Variants in ALS2 observed in about 807,000 individuals in gnomAD.
ALS2 encodes alsin Rho guanine nucleotide exchange factor ALS2, also known as alsin.
Under a neutral mutation model 203.4 loss-of-function variants are expected in ALS2, and 117 were observed. That is an observed-to-expected ratio of 0.58 (90% CI 0.50 to 0.67). ALS2 has a LOEUF of 0.67. Ranked by LOEUF, ALS2 falls within the 30% of genes least tolerant of loss-of-function variation. The pLI is 0.00. For synonymous variants in ALS2, 718 were observed against 725.9 expected (o/e 0.99, Z 0.17); for missense variants, 1,715 against 1,989.4 (o/e 0.86, Z 2.62).
intron 9 of ALS2, among the ~76,000 whole-genome samples, chr2:201,746,356 A>G (rs190890978): frequency 4.4e-4 from 67 of 152,326 alleles, no homozygotes; most frequent in African/African-American, 1.5e-3. Flanking sequence ...ACAATAGACA[A>G]AGTGAGTAAA....
chr2:201,703,983 G>A (rs757810420), intron 33 of ALS2, 139 bp downstream of exon 33: 23 of 720,346 alleles, frequency 3.2e-5, no homozygotes, highest in Non-Finnish European at 5.2e-5. Context: ...GTTTTAAAGT[G>A]TAGAACAAAA....
rs752738166 is a variant in ALS2, at chr2:201,705,478, A to G, written c.4581-17T>C. 1 of 1,598,004 alleles carries G rather than the reference A, an allele frequency of 6.3e-7. No homozygotes were observed. Among genetic ancestry groups the G allele is most frequent in the Admixed American group, 1.7e-5 (1 of 59,982 alleles). On this transcript the variant is annotated splice_polypyrimidine_tract_variant and intron_variant, in intron 29 of 33. Transcript: ENST00000264276. ...CAAAATTTCCTATAATGGAATCCAT[A>G]AATTATTAATATAAGTTGTTACTTA... is the stretch of plus-strand genomic sequence containing the variant.
rs1432048539 is a variant in ALS2 at position 201,709,924 on chromosome 2, T to C, written c.4237A>G (p.Lys1413Glu). The C allele has an allele frequency of 8.1e-6, 13 of 1,614,162 alleles. No homozygotes were observed. The highest frequency in any genetic ancestry group is 1.1e-5 in the South Asian group (1 of 91,084). Residue 1413 changes from lysine to glutamate, a missense_variant, in exon 27 of 34, where the codon AAG (lysine) becomes GAG (glutamate). Physicochemically the swap from Lys to Glu is moderately conservative, Grantham distance 56. This residue lies in a region of ALS2 where 1,227 missense variants were observed against 1,413.5 expected (regional missense o/e 0.87). Coordinates refer to ENST00000264276, the MANE Select transcript of ALS2 (RefSeq NM_020919.4). ...CGCTTAAGATAGGACTTAATCTCCT[T>C]TACAGCCTCCTGCAATAACCTGCGG... ...ANRRLLQEAVKEIKSYLKRIF... is the reference protein window; with the variant it reads ...ANRRLLQEAVEEIKSYLKRIF...
chr2:201,731,058 G>A (rs1278449049), intron 13 of ALS2, among the ~76,000 whole-genome samples: 1 of 152,168 alleles, frequency 6.6e-6, no homozygotes, highest in Non-Finnish European at 1.5e-5. Flanking sequence ...ACTGGGATGG[G>A]TGTAACCGCT....
chr2:201,775,774 G>T (rs1458227231), intron 1 of ALS2, among the ~76,000 whole-genome samples: 1 of 152,188 alleles, frequency 6.6e-6, no homozygotes, highest in African/African-American at 2.4e-5. Context: ...CAGAGTAAGA[G>T]AATTCAGTAA....
At chr2:201,732,026 T>A (rs1397763857) in intron 13 of ALS2, among the ~76,000 whole-genome samples, 2 of 152,078 alleles carry the variant, frequency 1.3e-5, no homozygotes, top group African/African-American at 2.4e-5. Context: ...TGGTGGAAAA[T>A]TTTTTTATTA....
At chr2:201,710,948 A>G in intron 26 of ALS2, 43 bp downstream of exon 26, 1 of 1,171,012 alleles carries the variant, frequency 8.5e-7, no homozygotes, top group East Asian at 2.3e-5. Flanking sequence ...TGGTAGGTGA[A>G]TCATTAATTC....
rs1174003855 is a variant in ALS2 at position 201,773,079 on chromosome 2, C to A, written c.-60-4134G>T. The stretch of plus-strand genomic sequence containing the variant: ...GTTTCACTATGTTGCCCAGACTGGT[C>A]TTGAAATCCTGACCTTGTGACCTGC... On this transcript the variant is annotated intron_variant, in intron 1 of 33. Transcript: ENST00000264276. Among the ~76,000 whole-genome samples the A allele has an allele frequency of 2.6e-5, 4 of 152,166 alleles. No homozygotes were observed. The East Asian group carries it at 7.7e-4, about 29-fold the overall frequency.
intron 13 of ALS2, 140 bp from the exon 14 acceptor site, chr2:201,729,323 A>C: frequency 1.2e-6 from 1 of 862,792 alleles, no homozygotes; most frequent in Non-Finnish European, 1.8e-6. Context: ...AGCACACTGC[A>C]GGAGACTGGG....
At chr2:201,753,873 T>C (rs1693220564) in intron 6 of ALS2, among the ~76,000 whole-genome samples, 1 of 152,144 alleles carries the variant, frequency 6.6e-6, no homozygotes, top group Non-Finnish European at 1.5e-5. Flanking sequence ...CAATTAAAAA[T>C]CTGAGCCATT....
intron 8 of ALS2, 103 bp from the exon 9 acceptor site, chr2:201,746,851 C>T (rs1692698007): frequency 1.5e-6 from 2 of 1,340,228 alleles, no homozygotes; most frequent in African/African-American, 1.4e-5. Context: ...AAGCGTGGTG[C>T]AGTCAGTCAT....
chr2:201,752,472 T>C (rs548108710), intron 7 of ALS2, among the ~76,000 whole-genome samples: 2 of 152,256 alleles, frequency 1.3e-5, no homozygotes, highest in African/African-American at 4.8e-5. Context: ...TTCCCCTTTT[T>C]CTTTCCTAAT....
chr2:201,710,570 C>T (rs1334100924), intron 26 of ALS2, among the ~76,000 whole-genome samples: 1 of 152,138 alleles, frequency 6.6e-6, no homozygotes, highest in African/African-American at 2.4e-5. Flanking sequence ...CCTTCAGTTC[C>T]CCTGACTTCT....
chr2:201,745,217 A>ATTTGT (rs1224172921), intron 9 of ALS2, among the ~76,000 whole-genome samples: 1 of 152,200 alleles, frequency 6.6e-6, no homozygotes, highest in African/African-American at 2.4e-5. Context: ...TAATCTTTAA[A>ATTTGT]TTTGTTTTGT....
At chr2:201,723,002 GAATTT>G (rs1559046118) in intron 23 of ALS2, 36 bp downstream of exon 23, 1 of 1,459,274 alleles carries the variant, frequency 6.9e-7, no homozygotes. Context: ...ATTAGTAAAA[GAATTT>G]ATTAGGGAGA....
chr2:201,768,964 G>A lies in ALS2; in HGVS notation c.-60-19C>T. The stretch of plus-strand genomic sequence containing the variant: ...TCAAGACCTAAACAGTACAAGTAAG[G>A]AAAAGAGCAGTAAAAGAATATTTTA... On this transcript the variant is annotated intron_variant, in intron 1 of 33. Transcript: ENST00000264276. 3.8e-6 allele frequency: 5 copies of A among 1,311,166 alleles called. No homozygotes were observed. The highest frequency in any genetic ancestry group is 1.4e-5 in the South Asian group (1 of 72,950). 81.2% of individuals were successfully genotyped at this position (1,311,166 alleles called of 1,614,324 possible).
chr2:201,737,094 C>T (rs1016317338), intron 12 of ALS2, among the ~76,000 whole-genome samples: 31 of 152,162 alleles, frequency 2.0e-4, no homozygotes, highest in African/African-American at 7.2e-4. Context: ...GATTCAACAA[C>T]CTCAGACCAA....
intron 32 of ALS2, 67 bp from the exon 33 acceptor site, chr2:201,704,285 T>A: frequency 6.5e-6 from 10 of 1,528,822 alleles, no homozygotes; most frequent in Non-Finnish European, 9.1e-6. Flanking sequence ...TTGAATCTAG[T>A]TGATGGGAAA....
At chr2:201,759,116 GTTC>G (rs1369055978) in intron 4 of ALS2, among the ~76,000 whole-genome samples, 1 of 152,058 alleles carries the variant, frequency 6.6e-6, no homozygotes, top group Non-Finnish European at 1.5e-5. Context: ...ATTTTAGGGG[GTTC>G]TTAACCACTA....
Sources: gnomAD v4.1 joint callset for allele counts (sites outside exome capture counted in the v4.1 genomes callset) on GRCh38, gnomAD v4.1.1 for gene constraint, gnomAD v4.1.1 regional missense constraint, MANE v1.5 for transcripts, NCBI Gene and HGNC (gene_info 2026-07-23, HGNC 2026-07-21) for gene names.